Variants in PCBP4 observed in about 807,000 individuals in gnomAD.
PCBP4 encodes the protein poly(rC)-binding protein 4.
PCBP4 carries 24 observed loss-of-function variants against 46.2 expected under a neutral mutation model. The ratio of observed to expected loss-of-function variants is 0.52; its 90% CI spans 0.38 to 0.73. The LOEUF (loss-of-function observed/expected upper bound fraction) is 0.73. PCBP4 is among the 30% of genes least tolerant of loss of function. The probability of loss-of-function intolerance (pLI) is 0.00; values close to 1 mark genes in which losing one functional copy is unlikely to be tolerated. For synonymous variants in PCBP4, 203 were observed against 224.4 expected (o/e 0.90, Z 0.85); for missense variants, 407 against 537.0 (o/e 0.76, Z 2.39).
At position 51,958,416 on chromosome 3, in the gene PCBP4, G is replaced by A. The variant is rs1187304007; in HGVS notation, c.924-67C>T. ...GAGTGAGAGAGGGGCAATGAGGGCA[G>A]AGATGGGCATGAGATTAGATGAAAG... On this transcript the variant is annotated intron_variant, in intron 13 of 13. Coordinates refer to ENST00000461554, the MANE Select transcript of PCBP4 (RefSeq NM_001174100.2). The surrounding 1 kb of genome is among the most constrained non-coding windows in gnomAD (Gnocchi z 5.4). 1.8e-6 allele frequency: 2 copies of A among 1,107,546 alleles called. No individual in the cohort carries two copies. The highest frequency in any genetic ancestry group is 2.5e-6 in the Non-Finnish European group (2 of 802,628). 68.6% of individuals were successfully genotyped at this position (1,107,546 alleles called of 1,614,324 possible). A position where few individuals can be genotyped will look rare whatever the true frequency, so the allele number is the denominator to read the frequency against.
intron 1 of PCBP4, among the ~76,000 whole-genome samples, chr3:51,964,754 A>G (rs575532032): frequency 6.6e-6 from 1 of 152,338 alleles, no homozygotes; most frequent in Non-Finnish European, 1.5e-5. Flanking sequence ...CCAGGCCTTC[A>G]TAAGAACTGC....
rs1334606277 is a variant in PCBP4 at position 51,958,818 on chromosome 3, C to T, written c.895G>A (p.Ala299Thr). 1.9e-6 allele frequency: 3 copies of T among 1,613,704 alleles called. No homozygotes were observed. The highest frequency in any genetic ancestry group is 3.3e-5 in the Admixed American group (2 of 59,998). ...VTITGSPVSI[A>T]LAQYLITACL... is the part of the protein sequence containing the mutation. ...GCAGTGATGAGGTACTGGGCCAGGG[C>T]GATGGAGACCGGAGAGCCAGTGATG... The change falls in exon 13 of 14, where the codon GCC (alanine) becomes ACC (threonine). Residue 299 changes from alanine (A) to threonine (T), a missense_variant. By Grantham distance (58) the Ala-to-Thr change is moderately conservative. Coordinates refer to ENST00000461554, the MANE Select transcript of PCBP4 (RefSeq NM_001174100.2). The surrounding 1 kb of genome is among the most constrained non-coding windows in gnomAD (Gnocchi z 5.4).
Position 51,960,155 on chromosome 3 carries a change from G to A in PCBP4, c.387+34C>T, listed in dbSNP as rs745620970. On this transcript the variant is annotated intron_variant, in intron 7 of 13. Coordinates refer to ENST00000461554, the MANE Select transcript of PCBP4 (RefSeq NM_001174100.2). This position sits in a 1 kb window ranked among gnomAD's most constrained non-coding sequence, Gnocchi z 5.0. ...CCTCTTACAACTGCTCCCTTGCCCCGGATTCCCTGTGGGTGGTATATCTCG... is the reference window on the plus strand; with the variant it reads ...CCTCTTACAACTGCTCCCTTGCCCCAGATTCCCTGTGGGTGGTATATCTCG... 2.5e-5 allele frequency: 41 copies of A among 1,613,906 alleles called. No individual in the cohort carries two copies. In the Admixed American group the frequency reaches 2.7e-4, roughly 10 times the overall value.
In PCBP4 at chr3:51,959,758, T is replaced by C. The variant is rs1700052142; in HGVS notation, c.517-107A>G. On this transcript the variant is annotated intron_variant, in intron 8 of 13. Transcript: ENST00000461554. This position sits in a 1 kb window ranked among gnomAD's most constrained non-coding sequence, Gnocchi z 5.6. ...ACCATGACCCCCAGGGAAATGCACATGATCCCTGGAGCTCATCATCCATCC... is the reference window on the plus strand; with the variant it reads ...ACCATGACCCCCAGGGAAATGCACACGATCCCTGGAGCTCATCATCCATCC... 6.9e-7 allele frequency: 1 copy of C among 1,453,658 alleles called. No homozygotes were observed. The highest frequency in any genetic ancestry group is 9.4e-7 in the Non-Finnish European group (1 of 1,065,180). The allele number at this position is 1,453,658 out of a possible 1,614,324, so 90.0% of individuals were successfully genotyped here.
At chr3:51,963,402 TC>T (rs1700272696) in intron 1 of PCBP4, 1 of 152,208 alleles carries the variant, frequency 6.6e-6, no homozygotes, top group Non-Finnish European at 1.5e-5. Context: ...TGGGCTTCAG[TC>T]GTCTCTGAGA....
In PCBP4 at chr3:51,959,102, G is replaced by A; in HGVS notation, c.701-3C>T. The stretch of plus-strand genomic sequence containing the variant: ...GGTCTGTGTGCCGGGATCCAGTCCT[G>A]AGGGGGAGAAGAGGGACTGAGTGTG... On this transcript the variant is annotated splice_polypyrimidine_tract_variant and splice_region_variant and intron_variant, in intron 11 of 13. Coordinates refer to ENST00000461554, the MANE Select transcript of PCBP4 (RefSeq NM_001174100.2). The surrounding 1 kb of genome is among the most constrained non-coding windows in gnomAD (Gnocchi z 5.6). The A allele has an allele frequency of 6.2e-7, 1 of 1,613,876 alleles. No homozygotes were observed. The highest frequency in any genetic ancestry group is 1.1e-5 in the South Asian group (1 of 91,068).
Position 51,959,757 on chromosome 3 carries a change from A to G in PCBP4, c.517-106T>C. ...CACCATGACCCCCAGGGAAATGCAC[A>G]TGATCCCTGGAGCTCATCATCCATC... On this transcript the variant is annotated intron_variant, in intron 8 of 13. Coordinates refer to ENST00000461554, the MANE Select transcript of PCBP4 (RefSeq NM_001174100.2). This position sits in a 1 kb window ranked among gnomAD's most constrained non-coding sequence, Gnocchi z 5.6. The G allele has an allele frequency of 6.9e-7, 1 of 1,454,480 alleles. No homozygotes were observed. The highest frequency in any genetic ancestry group is 1.3e-5 in the South Asian group (1 of 78,302). 90.1% of individuals were successfully genotyped at this position (1,454,480 alleles called of 1,614,324 possible).
rs553215873 is a variant in PCBP4 at position 51,958,142 on chromosome 3, C to T, written c.1131G>A (p.Pro377=). Residue 377 remains proline (P), a synonymous_variant, in exon 14 of 14, where the codon CCG becomes CCA. Coordinates refer to ENST00000461554, the MANE Select transcript of PCBP4 (RefSeq NM_001174100.2). This position sits in a 1 kb window ranked among gnomAD's most constrained non-coding sequence, Gnocchi z 5.4. ...ALPPASPGPP[P]GLAAYTAKMA... ...TCTTGGCAGTGTAGGCCGCCAAGCC[C>T]GGCGGCGGCCCTGGGGAAGCAGGTG... 158 of 1,611,730 alleles carry T rather than the reference C, an allele frequency of 9.8e-5. No individual in the cohort carries two copies. Among genetic ancestry groups the T allele is most frequent in the South Asian group, 8.9e-4 (81 of 90,852 alleles).
At position 51,961,299 on chromosome 3, in the gene PCBP4, C is replaced by T; in HGVS notation, c.-59G>A. On this transcript the variant is annotated 5_prime_UTR_variant, in exon 3 of 14. Coordinates refer to ENST00000461554, the MANE Select transcript of PCBP4 (RefSeq NM_001174100.2). ...CGAGTGTGTCCGCGCTGCAACCTGG[C>T]CGGCTCTGGCAGGGGCAGCCAAAGA... The T allele has an allele frequency of 6.4e-7, 1 of 1,569,716 alleles. No homozygotes were observed. Among genetic ancestry groups the T allele is most frequent in the East Asian group, 2.3e-5 (1 of 43,126 alleles).
intron 3 of PCBP4, 49 bp downstream of exon 3, chr3:51,961,110 AC>A: frequency 6.2e-7 from 1 of 1,613,634 alleles, no homozygotes; most frequent in Non-Finnish European, 8.5e-7. Context: ...ACCCAGTGAA[AC>A]CCAGCCCAGC....
intron 1 of PCBP4, among the ~76,000 whole-genome samples, chr3:51,965,395 C>A (rs894062049): frequency 1.3e-5 from 2 of 152,206 alleles, no homozygotes; most frequent in African/African-American, 4.8e-5. Context: ...CCCATCCTCC[C>A]CACTCTCTGT....
chr3:51,957,782 A>G lies in PCBP4; in HGVS notation c.*279T>C. 3.6e-6 allele frequency: 1 copy of G among 279,002 alleles called. No homozygotes were observed. The allele number at this position is 279,002 out of a possible 1,614,324, so 17.3% of individuals were successfully genotyped here. A position where few individuals can be genotyped will look rare whatever the true frequency, so the allele number is the denominator to read the frequency against. ...GAGTGACACCCGCCATGGTGGGGGC[A>G]CTAGGGAGTCTCCTGGCTGCTCCCT... On this transcript the variant is annotated 3_prime_UTR_variant, in exon 14 of 14. Transcript: ENST00000461554.
rs751638839 is a variant in PCBP4 at position 51,958,329 on chromosome 3, G to A, written c.944C>T (p.Thr315Ile). The change falls in exon 14 of 14, where the codon ACC becomes ATC. Residue 315 changes from threonine to isoleucine, a missense_variant. Physicochemically the swap from Thr to Ile is moderately conservative, Grantham distance 89 (BLOSUM62 -1). Coordinates refer to ENST00000461554, the MANE Select transcript of PCBP4 (RefSeq NM_001174100.2). This position sits in a 1 kb window ranked among gnomAD's most constrained non-coding sequence, Gnocchi z 5.4. ...GGCCGAGCTGGGCGTCCCCCCAGAG[G>A]TAGACTTGGCCGTCTCTAGACTGGA... ...ITACLETAKS[T>I]SGGTPSSAPA... 6.6e-7 allele frequency: 1 copy of A among 1,515,942 alleles called. No homozygotes were observed. Among genetic ancestry groups the A allele is most frequent in the Admixed American group, 2.3e-5 (1 of 43,414 alleles). The allele number at this position is 1,515,942 out of a possible 1,614,324, so 93.9% of individuals were successfully genotyped here. A position where few individuals can be genotyped will look rare whatever the true frequency, so the allele number is the denominator to read the frequency against.
chr3:51,957,834 A>C lies in PCBP4; in HGVS notation c.*227T>G. ...TATCCAAGCACAGAGCTGAGGAGGT[A>C]GGGCCCCCTGCCCTGGGGCTGCCGC... On this transcript the variant is annotated 3_prime_UTR_variant, in exon 14 of 14. Coordinates refer to ENST00000461554, the MANE Select transcript of PCBP4 (RefSeq NM_001174100.2). 4.9e-6 allele frequency: 2 copies of C among 404,616 alleles called. No individual in the cohort carries two copies. The highest frequency in any genetic ancestry group is 8.9e-6 in the Non-Finnish European group (2 of 225,974). The allele number at this position is 404,616 out of a possible 1,614,324, so 25.1% of individuals were successfully genotyped here.
At chr3:51,961,659 A>C (rs183194504) in intron 2 of PCBP4, 2 of 600,496 alleles carry the variant, frequency 3.3e-6, no homozygotes, top group South Asian at 1.3e-4. Context: ...AGCCTATGGG[A>C]GTCAGGAGGA....
At chr3:51,965,119 C>A (rs1700359789) in intron 1 of PCBP4, among the ~76,000 whole-genome samples, 1 of 152,226 alleles carries the variant, frequency 6.6e-6, no homozygotes, top group Admixed American at 6.5e-5. Flanking sequence ...CTCACTCTCT[C>A]ATCTACATTG....
rs965515534 is a variant in PCBP4 at position 51,958,116 on chromosome 3, A to G, written c.1157T>C (p.Met386Thr). The G allele has an allele frequency of 1.9e-6, 3 of 1,601,528 alleles. No homozygotes were observed. Among genetic ancestry groups the G allele is most frequent in the African/African-American group, 1.3e-5 (1 of 74,350 alleles). The change falls in exon 14 of 14, where the codon ATG becomes ACG. Residue 386 changes from methionine to threonine, a missense_variant. Coordinates refer to ENST00000461554, the MANE Select transcript of PCBP4 (RefSeq NM_001174100.2). This position sits in a 1 kb window ranked among gnomAD's most constrained non-coding sequence, Gnocchi z 5.4. Reference protein sequence around the residue: ...PPGLAAYTAKMAAANGSKKAE... With the variant: ...PPGLAAYTAKTAAANGSKKAE... ...CTTCTTGCTCCCATTAGCTGCTGCC[A>G]TCTTGGCAGTGTAGGCCGCCAAGCC... is the stretch of plus-strand genomic sequence containing the variant.
Position 51,961,264 on chromosome 3 carries a change from C to A in PCBP4, c.-24G>T. On this transcript the variant is annotated 5_prime_UTR_variant, in exon 3 of 14. Coordinates refer to ENST00000461554, the MANE Select transcript of PCBP4 (RefSeq NM_001174100.2). ...ATTCTGTCAGGCGAGGCTGGGGCCA[C>A]AGCGACCTGCGAGTGTGTCCGCGCT... 1 of 1,606,894 alleles carries A rather than the reference C, an allele frequency of 6.2e-7. No individual in the cohort carries two copies.
At chr3:51,964,368 A>G (rs898810905) in intron 1 of PCBP4, among the ~76,000 whole-genome samples, 5 of 152,222 alleles carry the variant, frequency 3.3e-5, no homozygotes, top group African/African-American at 9.7e-5. Context: ...AGCAAGAACA[A>G]TCCGGGGGAG....
Sources: allele counts gnomAD v4.1 joint callset (sites outside exome capture counted in the v4.1 genomes callset), GRCh38; gene constraint gnomAD v4.1.1; non-coding constraint Gnocchi (gnomAD v3.1); transcripts MANE v1.5; gene names NCBI Gene and HGNC (gene_info 2026-07-23, HGNC 2026-07-21).